The following MAPKBP1 variants were observed in gnomAD, a reference collection of about 807,000 sequenced individuals.
MAPKBP1 encodes the protein mitogen-activated protein kinase binding protein 1.
In MAPKBP1, 71 loss-of-function variants were observed where a neutral mutation model predicts 170.5. That is an observed-to-expected ratio of 0.42 (90% CI 0.34 to 0.51). The LOEUF is 0.51. MAPKBP1 is among the 20% of genes least tolerant of loss of function. The pLI is 0.06. For missense variants in MAPKBP1, 1,598 were observed against 1,933.0 expected (o/e 0.83, Z 3.25); for synonymous variants, 719 against 757.9 (o/e 0.95, Z 0.84).
chr15:41,808,993 G>C (rs2064754997), intron 3 of MAPKBP1, among the ~76,000 whole-genome samples: 1 of 151,542 alleles, frequency 6.6e-6, no homozygotes, highest in Admixed American at 6.6e-5. Context: ...TTGAGCCCAG[G>C]AGGTCGAGGC....
intron 2 of MAPKBP1, among the ~76,000 whole-genome samples, chr15:41,776,903 A>G (rs538196422): frequency 6.6e-6 from 1 of 152,212 alleles, no homozygotes; most frequent in Non-Finnish European, 1.5e-5. Context: ...GATGGGTAAA[A>G]CATTACCCTT....
At position 41,815,378 on chromosome 15, in the gene MAPKBP1, C is replaced by T; in HGVS notation, c.1290C>T (p.Ser430=). The T allele has an allele frequency of 6.2e-7, 1 of 1,614,242 alleles. No individual in the cohort carries two copies. Among genetic ancestry groups the T allele is most frequent in the East Asian group, 2.2e-5 (1 of 44,882 alleles). The change falls in exon 11 of 31, where the codon TCC becomes TCT. Residue 430 remains serine, a synonymous_variant. Coordinates refer to ENST00000457542, the MANE Select transcript of MAPKBP1 (RefSeq NM_014994.3). ...WNTESSGVHG[S]TLHRNILSSD... is the part of the protein sequence containing the mutation. ...CAGAGAGCTCCGGGGTGCATGGCTC[C>T]ACCCTCCACCGAAACATCCTCAGCA...
intron 1 of MAPKBP1, 23 bp downstream of exon 1, chr15:41,774,633 G>A (rs1436151984): frequency 2.5e-6 from 1 of 398,678 alleles, no homozygotes; most frequent in Non-Finnish European, 4.4e-6. Flanking sequence ...CCGAACGGGG[G>A]CGCTGACGAG....
intron 20 of MAPKBP1, 142 bp from the exon 21 acceptor site, chr15:41,819,104 C>G: frequency 7.0e-7 from 1 of 1,435,206 alleles, no homozygotes; most frequent in Non-Finnish European, 9.5e-7. Flanking sequence ...TGATGTCAGC[C>G]TCTTCCCCCT....
chr15:41,813,494 T>C, intron 8 of MAPKBP1, 127 bp from the exon 9 acceptor site: 1 of 1,425,898 alleles, frequency 7.0e-7, no homozygotes, highest in South Asian at 1.2e-5. Context: ...ACAGGGCAGC[T>C]GGGCGGCTTT....
At chr15:41,819,547 C>CGGGGGGGGGGTGGGGGGGGGGGG in intron 21 of MAPKBP1, 48 bp from the exon 22 acceptor site, 1 of 1,228,190 alleles carries the variant, frequency 8.1e-7, no homozygotes, top group Non-Finnish European at 1.1e-6. Context: ...GGTTGGGTGG[C>CGGGGGGGGGGTGGGGGGGGGGGG]GGGGGGGGGG....
At chr15:41,801,420 A>G (rs2064591768) in intron 3 of MAPKBP1, among the ~76,000 whole-genome samples, 1 of 152,152 alleles carries the variant, frequency 6.6e-6, no homozygotes, top group Non-Finnish European at 1.5e-5. Context: ...GAGTAGCGCT[A>G]CTGCTGTACC....
chr15:41,787,892 T>TA (rs199910471), intron 2 of MAPKBP1, among the ~76,000 whole-genome samples: 2,089 of 152,034 alleles, frequency 0.014, 55 homozygotes, highest in African/African-American at 0.048. Flanking sequence ...CCCTAGGAGG[T>TA]AAAAAAAACT....
intron 2 of MAPKBP1, among the ~76,000 whole-genome samples, chr15:41,782,105 A>G (rs988493232): frequency 6.6e-6 from 1 of 150,796 alleles, no homozygotes; most frequent in Non-Finnish European, 1.5e-5. Context: ...AAAAAAAAAA[A>G]AAAAAAATTA....
intron 2 of MAPKBP1, among the ~76,000 whole-genome samples, chr15:41,799,084 G>A (rs891004038): frequency 6.6e-6 from 1 of 152,074 alleles, no homozygotes; most frequent in Admixed American, 6.6e-5. Context: ...AGACAGTGTG[G>A]GGTAACAATA....
At position 41,823,152 on chromosome 15, in the gene MAPKBP1, G is replaced by T; in HGVS notation, c.3528G>T (p.Lys1176Asn). ...RLNPDSSWAP[K>N]RVATASPFSG... The stretch of plus-strand genomic sequence containing the variant: ...ACCCTGACAGCAGCTGGGCTCCCAA[G>T]AGAGTGGCCACAGCCAGCCCCTTTT... The change falls in exon 28 of 31, where the codon AAG becomes AAT. Residue 1176 changes from lysine (K) to asparagine (N), a missense_variant. Around this residue, in one of 6 missense-constraint regions of MAPKBP1, gnomAD observed 942 missense variants for 953.2 expected, o/e 0.99. Transcript: ENST00000457542. 1 of 1,613,644 alleles carries T rather than the reference G, an allele frequency of 6.2e-7. No individual in the cohort carries two copies. Among genetic ancestry groups the T allele is most frequent in the Non-Finnish European group, 8.5e-7 (1 of 1,180,034 alleles).
At position 41,775,283 on chromosome 15, in the gene MAPKBP1, T is replaced by C; in HGVS notation, c.8T>C (p.Val3Ala). 6.2e-7 allele frequency: 1 copy of C among 1,612,894 alleles called. No individual in the cohort carries two copies. The highest frequency in any genetic ancestry group is 8.5e-7 in the Non-Finnish European group (1 of 1,179,368). The change falls in exon 2 of 31, where the codon GTG (valine) becomes GCG (alanine). Residue 3 changes from valine to alanine, a missense_variant. This residue lies in a region of MAPKBP1 where 151 missense variants were observed against 191.4 expected (regional missense o/e 0.79). Transcript: ENST00000457542. MA[V>A]EGSTITSRIK... ...AAAGGGTTTCTCGTCATAATGGCTG[T>C]GGAAGGGTCAACCATTACCAGCCGG...
intron 3 of MAPKBP1, among the ~76,000 whole-genome samples, chr15:41,806,267 T>G (rs1295817441): frequency 2.6e-5 from 4 of 151,908 alleles, no homozygotes; most frequent in Non-Finnish European, 5.9e-5. Flanking sequence ...GGAGGTAGGG[T>G]TGTAATGATA....
At position 41,817,077 on chromosome 15, in the gene MAPKBP1, C is replaced by A; in HGVS notation, c.1711+42C>A. 6.5e-7 allele frequency: 1 copy of A among 1,540,294 alleles called. No homozygotes were observed. The highest frequency in any genetic ancestry group is 1.3e-5 in the South Asian group (1 of 79,880). ...TGAGACACATCCTGCCACTCTCACC[C>A]CTGCTGCCATCTGCCTCCCACCTCC... On this transcript the variant is annotated intron_variant, in intron 14 of 30. Coordinates refer to ENST00000457542, the MANE Select transcript of MAPKBP1 (RefSeq NM_014994.3). This position sits in a 1 kb window ranked among gnomAD's most constrained non-coding sequence, Gnocchi z 4.2.
At chr15:41,791,748 A>G (rs1262760447) in intron 2 of MAPKBP1, among the ~76,000 whole-genome samples, 1 of 151,968 alleles carries the variant, frequency 6.6e-6, no homozygotes, top group Non-Finnish European at 1.5e-5. Flanking sequence ...CCCTTCTGGG[A>G]GCTCTCCACT....
chr15:41,799,574 G>A (rs144938638), intron 2 of MAPKBP1, among the ~76,000 whole-genome samples: 1 of 152,142 alleles, frequency 6.6e-6, no homozygotes, highest in African/African-American at 2.4e-5. Context: ...TAACGAGTTG[G>A]TGTTCTTTCC....
chr15:41,781,535 TAGG>T (rs984307221), intron 2 of MAPKBP1, among the ~76,000 whole-genome samples: 3 of 151,456 alleles, frequency 2.0e-5, no homozygotes, highest in African/African-American at 7.3e-5. Flanking sequence ...CCCAGCATCT[TAGG>T]AGGCTGAGGC....
Position 41,821,677 on chromosome 15 carries a change from G to T in MAPKBP1, c.2812G>T (p.Asp938Tyr). 3 of 1,614,156 alleles carry T rather than the reference G, an allele frequency of 1.9e-6. No individual in the cohort carries two copies. Among genetic ancestry groups the T allele is most frequent in the Non-Finnish European group, 2.5e-6 (3 of 1,180,024 alleles). ...ACAAGAGGAAGGGGTCTTTGCCCAA[G>T]ATCTGGAACCTGCACCCATTGAAGA... ...LSQEEGVFAQ[D>Y]LEPAPIEDGI... The change falls in exon 24 of 31, where the codon GAT becomes TAT. Residue 938 changes from aspartate to tyrosine, a missense_variant. Physicochemically the swap from Asp to Tyr is radical, Grantham distance 160. This residue lies in a region of MAPKBP1 where 942 missense variants were observed against 953.2 expected (regional missense o/e 0.99). Coordinates refer to ENST00000457542, the MANE Select transcript of MAPKBP1 (RefSeq NM_014994.3).
intron 2 of MAPKBP1, among the ~76,000 whole-genome samples, chr15:41,776,430 A>G (rs1308203664): frequency 6.6e-6 from 1 of 152,212 alleles, no homozygotes; most frequent in Non-Finnish European, 1.5e-5. Context: ...TAGATTTGGT[A>G]AGAAGGTGAA....
Sources: allele counts gnomAD v4.1 joint callset (sites outside exome capture counted in the v4.1 genomes callset), GRCh38; gene constraint gnomAD v4.1.1; regional missense constraint gnomAD v4.1.1; non-coding constraint Gnocchi (gnomAD v3.1); transcripts MANE v1.5; gene names NCBI Gene and HGNC (gene_info 2026-07-23, HGNC 2026-07-21).